The following RBFOX3 variants were observed in gnomAD, a reference collection of about 807,000 sequenced individuals.
The protein encoded by RBFOX3 is RNA binding fox-1 homolog 3, also known as RNA binding protein fox-1 homolog 3.
RBFOX3 carries 17 observed loss-of-function variants against 48.7 expected under a neutral mutation model. The observed-to-expected ratio is 0.35, with a 90% CI of 0.24 to 0.52. The LOEUF is 0.52. RBFOX3 is among the 20% of genes least tolerant of loss of function. RBFOX3 has a pLI of 0.94. For synonymous variants in RBFOX3, 212 were observed against 209.5 expected, an observed-to-expected ratio of 1.01 and a Z score of -0.10; for missense variants, 382 against 497.5, an observed-to-expected ratio of 0.77 and a Z score of 2.21.
chr17:79,220,414 G>A lies in RBFOX3; in HGVS notation c.-34+15352C>T, dbSNP rs945184901. Among the ~76,000 whole-genome samples the A allele has an allele frequency of 2.0e-5, 3 of 152,130 alleles. No homozygotes were observed. Among genetic ancestry groups the A allele is most frequent in the African/African-American group, 7.2e-5 (3 of 41,432 alleles). On this transcript the variant is annotated intron_variant, in intron 4 of 14. Coordinates refer to ENST00000693108, the MANE Select transcript of RBFOX3 (RefSeq NM_001350451.2). The surrounding 1 kb of genome is among the most constrained non-coding windows in gnomAD (Gnocchi z 5.9). ...CTCCAGGTCCTCTCTCCCTCTCCCT[G>A]TGTCTCTGCCTCTCGCTTTATTTCC... is the stretch of plus-strand genomic sequence containing the variant.
chr17:79,593,413 T>G (rs1159221739), intron 1 of RBFOX3, among the ~76,000 whole-genome samples: 1 of 152,204 alleles, frequency 6.6e-6, no homozygotes, highest in Non-Finnish European at 1.5e-5. Flanking sequence ...GATTGCTTTT[T>G]TAACGCTGTT....
chr17:79,302,869 G>T (rs756735563), intron 3 of RBFOX3, among the ~76,000 whole-genome samples: 2 of 152,146 alleles, frequency 1.3e-5, no homozygotes, highest in Non-Finnish European at 2.9e-5. Context: ...TTTGGAATTA[G>T]ACAGAGGTGG....
intron 3 of RBFOX3, among the ~76,000 whole-genome samples, chr17:79,292,996 C>T (rs1300668172): frequency 6.6e-6 from 1 of 152,050 alleles, no homozygotes; most frequent in Non-Finnish European, 1.5e-5. Context: ...AAAAGAGGCC[C>T]CTGAAGAGTT....
At chr17:79,322,744 T>C (rs535287728) in intron 2 of RBFOX3, among the ~76,000 whole-genome samples, 1 of 152,258 alleles carries the variant, frequency 6.6e-6, no homozygotes, top group East Asian at 1.9e-4. Context: ...TGTTCATATA[T>C]GCATGCCCCA....
At chr17:79,360,141 C>G (rs913341088) in intron 2 of RBFOX3, among the ~76,000 whole-genome samples, 1 of 152,100 alleles carries the variant, frequency 6.6e-6, no homozygotes, top group Admixed American at 6.5e-5. Context: ...TGAAACATAG[C>G]AAGCATGCTG....
intron 4 of RBFOX3, among the ~76,000 whole-genome samples, chr17:79,137,542 C>A (rs2040516687): frequency 6.6e-6 from 1 of 152,198 alleles, no homozygotes; most frequent in Non-Finnish European, 1.5e-5. Context: ...ATTTCCCACC[C>A]CCCAGTCCAC....
At chr17:79,657,634 G>A in the RBFOX3 span, among the ~76,000 whole-genome samples, 2 of 152,126 alleles carry the variant, frequency 1.3e-5, no homozygotes, top group African/African-American at 2.4e-5. Context: ...AGCCAAGATC[G>A]TGCCGTTGCT....
chr17:79,121,936 C>T (rs2035850861), intron 4 of RBFOX3, among the ~76,000 whole-genome samples: 1 of 152,176 alleles, frequency 6.6e-6, no homozygotes, highest in Admixed American at 6.5e-5. Flanking sequence ...TTGCAGTCTC[C>T]ACTTGGACAT....
rs2078640855 is a variant in RBFOX3, at chr17:79,480,624, T to C, written c.-175+1830A>G. Among the ~76,000 whole-genome samples, 1 of 152,188 alleles carries C rather than the reference T, an allele frequency of 6.6e-6. No homozygotes were observed. Among genetic ancestry groups the C allele is most frequent in the Non-Finnish European group, 1.5e-5 (1 of 68,038 alleles). On this transcript the variant is annotated intron_variant, in intron 2 of 14. Transcript: ENST00000693108. This position sits in a 1 kb window ranked among gnomAD's most constrained non-coding sequence, Gnocchi z 4.8. Reference sequence around the variant, plus strand: ...CCGTGATGCCAGCCCCTCCTGCTACTTCTCCAGCATGCCCACACGTTGCTG... The same window carrying C: ...CCGTGATGCCAGCCCCTCCTGCTACCTCTCCAGCATGCCCACACGTTGCTG...
chr17:79,345,632 G>C (rs2082785215), intron 2 of RBFOX3, among the ~76,000 whole-genome samples: 1 of 151,936 alleles, frequency 6.6e-6, no homozygotes, highest in South Asian at 2.1e-4. Context: ...TGAAATTCCT[G>C]CCTGTCCTCT....
intron 14 of RBFOX3, among the ~76,000 whole-genome samples, chr17:79,093,548 GAA>G (rs72211592): frequency 2.0e-4 from 24 of 117,484 alleles, no homozygotes; most frequent in African/African-American, 3.0e-4. Flanking sequence ...GTTAAAAATT[GAA>G]AAAAAAAAAA....
At chr17:79,403,008 C>T (rs2063013160) in intron 2 of RBFOX3, among the ~76,000 whole-genome samples, 1 of 152,158 alleles carries the variant, frequency 6.6e-6, no homozygotes, top group Non-Finnish European at 1.5e-5. Flanking sequence ...ATCTGCTCTG[C>T]TGTGGGAAGG....
At chr17:79,546,669 A>T (rs1415464463) in intron 1 of RBFOX3, among the ~76,000 whole-genome samples, 47 of 121,740 alleles carry the variant, frequency 3.9e-4, no homozygotes, top group East Asian at 1.4e-3. Flanking sequence ...TCCTCATTCT[A>T]TTTTTTTTTT....
At chr17:79,550,795 G>A (rs1385056047) in intron 1 of RBFOX3, among the ~76,000 whole-genome samples, 1 of 152,046 alleles carries the variant, frequency 6.6e-6, no homozygotes, top group Admixed American at 6.6e-5. Context: ...ATGGATGGAT[G>A]GTCAGTGAGT....
At position 79,350,814 on chromosome 17, in the gene RBFOX3, G is replaced by A. The variant is rs373783177; in HGVS notation, c.-174-42990C>T. Reference sequence around the variant, plus strand: ...GGCGTGAGCTGGCATGAATTGCGGGGAAAGAAGGTCTCTCTGAGCTCAGGC... The same window carrying A: ...GGCGTGAGCTGGCATGAATTGCGGGAAAAGAAGGTCTCTCTGAGCTCAGGC... On this transcript the variant is annotated intron_variant, in intron 2 of 14. Transcript: ENST00000693108. 6.6e-5 allele frequency among the ~76,000 whole-genome samples: 10 copies of A among 152,334 alleles called. No homozygotes were observed. In the East Asian group the frequency reaches 7.7e-4, roughly 12 times the overall value.
chr17:79,651,728 C>T, the RBFOX3 span, among the ~76,000 whole-genome samples: 2 of 74,748 alleles, frequency 2.7e-5, no homozygotes, highest in African/African-American at 6.6e-5. Context: ...TCTTTCCCTC[C>T]CTCTCTCCTT....
rs774218306 is a variant in RBFOX3 at position 79,423,282 on chromosome 17, T to C, written c.-175+59172A>G. Among the ~76,000 whole-genome samples, 7 of 152,158 alleles carry C rather than the reference T, an allele frequency of 4.6e-5. No individual in the cohort carries two copies. The highest frequency in any genetic ancestry group is 6.5e-5 in the Admixed American group (1 of 15,282). On this transcript the variant is annotated intron_variant, in intron 2 of 14. Coordinates refer to ENST00000693108, the MANE Select transcript of RBFOX3 (RefSeq NM_001350451.2). The surrounding 1 kb of genome is among the most constrained non-coding windows in gnomAD (Gnocchi z 4.9). ...GTTCGTGGCATTGTCCTGGATTCCT[T>C]GACCGTCCTCGCCACGCCCCCATCG...
chr17:79,494,258 G>T (rs2081119941), intron 1 of RBFOX3, among the ~76,000 whole-genome samples: 1 of 152,208 alleles, frequency 6.6e-6, no homozygotes, highest in Non-Finnish European at 1.5e-5. Context: ...CAGCAGTTCA[G>T]AGTCTTGGTG....
rs1050180361 is a variant in RBFOX3, at chr17:79,287,612, A to C, written c.-74+20112T>G. Among the ~76,000 whole-genome samples the C allele has an allele frequency of 2.0e-5, 3 of 152,282 alleles. No individual in the cohort carries two copies. The East Asian group carries it at 5.8e-4, about 29-fold the overall frequency. ...AGACCGGCCAACAGGCAGCTGGGCCAGGCCAGGGCACCAGGGCCCCTCCCC... is the reference window on the plus strand; with the variant it reads ...AGACCGGCCAACAGGCAGCTGGGCCCGGCCAGGGCACCAGGGCCCCTCCCC... On this transcript the variant is annotated intron_variant, in intron 3 of 14. Coordinates refer to ENST00000693108, the MANE Select transcript of RBFOX3 (RefSeq NM_001350451.2).
Sources: gnomAD v4.1 joint callset for allele counts (sites outside exome capture counted in the v4.1 genomes callset) on GRCh38, gnomAD v4.1.1 for gene constraint, Gnocchi (gnomAD v3.1) non-coding constraint, MANE v1.5 for transcripts, NCBI Gene and HGNC (gene_info 2026-07-23, HGNC 2026-07-21) for gene names.